The following MYT1L variants were observed in gnomAD, a reference collection of about 807,000 sequenced individuals.
MYT1L encodes myelin transcription factor 1-like protein.
A neutral mutation model predicts 126.7 loss-of-function variants in MYT1L; 12 were observed. That is an observed-to-expected ratio of 0.09 (90% CI 0.06 to 0.15). MYT1L has a LOEUF of 0.15. Ranked by LOEUF, MYT1L falls within the 10% of genes least tolerant of loss-of-function variation. The pLI, the probability that MYT1L is intolerant of heterozygous loss-of-function variation, is 1.00. For missense variants in MYT1L, 979 were observed against 1,585.2 expected (o/e 0.62, Z 6.49); for synonymous variants, 541 against 604.2 (o/e 0.90, Z 1.53).
rs1410729673 is a variant in MYT1L, at chr2:1,806,497, G to A, written c.3172+2579C>T. On this transcript the variant is annotated intron_variant, in intron 22 of 24. Coordinates refer to ENST00000647738, the MANE Select transcript of MYT1L (RefSeq NM_001303052.2). The surrounding 1 kb of genome is among the most constrained non-coding windows in gnomAD (Gnocchi z 4.9). ...CCCGTGTCCCGGCTGCTTTCTGGTGGGATGACACCCAGTTGTTGGTTCCTC... is the reference window on the plus strand; with the variant it reads ...CCCGTGTCCCGGCTGCTTTCTGGTGAGATGACACCCAGTTGTTGGTTCCTC... Among the ~76,000 whole-genome samples the A allele has an allele frequency of 2.6e-5, 4 of 152,196 alleles. No homozygotes were observed. The highest frequency in any genetic ancestry group is 5.9e-5 in the Non-Finnish European group (4 of 68,040).
At chr2:2,214,882 G>A (rs1426356698) in intron 2 of MYT1L, among the ~76,000 whole-genome samples, 1 of 152,068 alleles carries the variant, frequency 6.6e-6, no homozygotes, top group East Asian at 1.9e-4. Context: ...ATAATGTAGT[G>A]TGTCATTTGT....
At chr2:1,810,688 T>C (rs2036480608) in intron 21 of MYT1L, among the ~76,000 whole-genome samples, 1 of 152,180 alleles carries the variant, frequency 6.6e-6, no homozygotes, top group South Asian at 2.1e-4. Flanking sequence ...TCTTTTAAAA[T>C]TTAAGAAAAC....
At chr2:2,001,237 C>CTTTTTTTTTTTTTTTTTTTTTTTTTTT (rs11389323) in intron 4 of MYT1L, among the ~76,000 whole-genome samples, 20 of 103,880 alleles carry the variant, frequency 1.9e-4, no homozygotes, top group African/African-American at 3.1e-4. Flanking sequence ...TTGGTTTTAG[C>CTTTTTTTTTTTTTTTTTTTTTTTTTTT]TTTTTTTTTT....
chr2:1,956,215 ATCTATCTATCTG>A (rs1414010583), intron 8 of MYT1L, among the ~76,000 whole-genome samples: 2,453 of 137,670 alleles, frequency 0.018, 116 homozygotes, highest in African/African-American at 0.079. Context: ...CTATCTATCT[ATCTATCTATCTG>A]TCTATCATCT....
At chr2:2,319,613 C>A (rs1272972299) in intron 1 of MYT1L, among the ~76,000 whole-genome samples, 1 of 152,096 alleles carries the variant, frequency 6.6e-6, no homozygotes, top group Non-Finnish European at 1.5e-5. Context: ...ACCTGGATTC[C>A]TGAAGTGCTG....
At chr2:1,958,765 C>T (rs1361901238) in intron 8 of MYT1L, among the ~76,000 whole-genome samples, 2 of 151,802 alleles carry the variant, frequency 1.3e-5, no homozygotes, top group Admixed American at 6.6e-5. Flanking sequence ...ACTGCAGAGG[C>T]CCCTTCTTCT....
At chr2:2,253,582 A>G (rs918440342) in intron 2 of MYT1L, among the ~76,000 whole-genome samples, 15 of 152,320 alleles carry the variant, frequency 9.8e-5, no homozygotes, top group Non-Finnish European at 1.9e-4. Flanking sequence ...ACACAGGATC[A>G]CGGAAGAGAA....
chr2:1,890,181 T>G (rs889699082), intron 15 of MYT1L, among the ~76,000 whole-genome samples: 1 of 152,082 alleles, frequency 6.6e-6, no homozygotes, highest in Non-Finnish European at 1.5e-5. Flanking sequence ...GCAATTCTCC[T>G]GTCTCAGCTT....
intron 14 of MYT1L, among the ~76,000 whole-genome samples, chr2:1,898,393 A>G (rs1041335121): frequency 1.3e-5 from 2 of 152,224 alleles, no homozygotes; most frequent in African/African-American, 4.8e-5. Context: ...TACATGGGAA[A>G]GAATGGAGCT....
At chr2:1,851,920 CCA>C (rs768434091) in intron 18 of MYT1L, among the ~76,000 whole-genome samples, 3 of 152,116 alleles carry the variant, frequency 2.0e-5, no homozygotes, top group Non-Finnish European at 4.4e-5. Flanking sequence ...GCTCCGCTCC[CCA>C]CAGTCTCTGG....
intron 14 of MYT1L, chr2:1,902,821 A>G (rs770472440): frequency 2.1e-6 from 1 of 484,908 alleles, no homozygotes; most frequent in East Asian, 3.8e-5. Context: ...CCCTCTCCAC[A>G]TTCCACGAGC....
At position 1,912,941 on chromosome 2, in the gene MYT1L, G is replaced by A. The variant is rs1209906891; in HGVS notation, c.1619-831C>T. Among the ~76,000 whole-genome samples the A allele has an allele frequency of 6.6e-6, 1 of 152,054 alleles. No homozygotes were observed. Among genetic ancestry groups the A allele is most frequent in the African/African-American group, 2.4e-5 (1 of 41,396 alleles). On this transcript the variant is annotated intron_variant, in intron 11 of 24. Transcript: ENST00000647738. This position sits in a 1 kb window ranked among gnomAD's most constrained non-coding sequence, Gnocchi z 4.3. The stretch of plus-strand genomic sequence containing the variant: ...TGGGGGAAGGTTAGCAGGGACGAAG[G>A]GACCCCCACACGGACCCTGTCTGCA...
chr2:2,031,674 C>T (rs1245689591), intron 4 of MYT1L, among the ~76,000 whole-genome samples: 11 of 138,508 alleles, frequency 7.9e-5, no homozygotes, highest in Non-Finnish European at 1.7e-4. Flanking sequence ...CATCCTGTGG[C>T]CCAGAGCAGA....
intron 3 of MYT1L, among the ~76,000 whole-genome samples, chr2:2,132,679 A>G (rs2082535663): frequency 6.6e-6 from 1 of 152,202 alleles, no homozygotes; most frequent in African/African-American, 2.4e-5. Flanking sequence ...ACCATGGCAC[A>G]TATATACCTA....
At chr2:2,191,719 A>C (rs1021294411) in intron 2 of MYT1L, among the ~76,000 whole-genome samples, 1 of 152,216 alleles carries the variant, frequency 6.6e-6, no homozygotes, top group African/African-American at 2.4e-5. Flanking sequence ...GAATATGTAG[A>C]TGCAAATATA....
intron 2 of MYT1L, among the ~76,000 whole-genome samples, chr2:2,279,029 AGGAAGCACCT>A (rs1417558429): frequency 6.6e-6 from 1 of 152,160 alleles, no homozygotes; most frequent in African/African-American, 2.4e-5. Context: ...TCTGAGATGC[AGGAAGCACCT>A]GGGAGGCCCT....
chr2:2,085,589 T>C (rs2076276236), intron 3 of MYT1L, among the ~76,000 whole-genome samples: 1 of 152,184 alleles, frequency 6.6e-6, no homozygotes, highest in Non-Finnish European at 1.5e-5. Flanking sequence ...ATGTTCCTGT[T>C]CTTCAGCCCT....
intron 4 of MYT1L, among the ~76,000 whole-genome samples, chr2:2,051,396 CT>C (rs1280836225): frequency 6.6e-6 from 1 of 152,184 alleles, no homozygotes; most frequent in African/African-American, 2.4e-5. Flanking sequence ...AAGATCTCTT[CT>C]GGGTCCTCCT....
chr2:2,087,045 T>G (rs1211261233), intron 3 of MYT1L, among the ~76,000 whole-genome samples: 2 of 152,150 alleles, frequency 1.3e-5, no homozygotes, highest in Non-Finnish European at 2.9e-5. Flanking sequence ...AGTTGAAGGA[T>G]GAATTATGTC....
Sources: allele counts gnomAD v4.1 joint callset (sites outside exome capture counted in the v4.1 genomes callset), GRCh38; gene constraint gnomAD v4.1.1; non-coding constraint Gnocchi (gnomAD v3.1); transcripts MANE v1.5; gene names NCBI Gene and HGNC (gene_info 2026-07-23, HGNC 2026-07-21).